The following KSR2 variants were observed in gnomAD, a reference collection of about 807,000 sequenced individuals.
KSR2 encodes kinase suppressor of ras 2.
In KSR2, 25 loss-of-function variants were observed where a neutral mutation model predicts 107.8. The ratio of observed to expected loss-of-function variants is 0.23; its 90% CI spans 0.17 to 0.32. KSR2 has a LOEUF of 0.32. Ranked by LOEUF, KSR2 falls within the 10% of genes least tolerant of loss-of-function variation. KSR2 has a pLI of 1.00. For synonymous variants in KSR2, 480 were observed against 507.0 expected (o/e 0.95, Z 0.71); for missense variants, 887 against 1,268.9 (o/e 0.70, Z 4.57).
intron 3 of KSR2, among the ~76,000 whole-genome samples, chr12:117,772,413 TAC>T (rs1235696796): frequency 7.0e-5 from 4 of 56,912 alleles, no homozygotes; most frequent in Non-Finnish European, 1.3e-4. Context: ...CACACACTCA[TAC>T]ACACACACCA....
intron 4 of KSR2, among the ~76,000 whole-genome samples, chr12:117,714,694 C>G (rs1271354949): frequency 6.6e-6 from 1 of 152,108 alleles, no homozygotes; most frequent in East Asian, 1.9e-4. Context: ...TCACAAAGTC[C>G]CTGTTCTCAA....
At chr12:117,651,727 T>A (rs1357193059) in intron 5 of KSR2, among the ~76,000 whole-genome samples, 1 of 151,880 alleles carries the variant, frequency 6.6e-6, no homozygotes, top group Non-Finnish European at 1.5e-5. Flanking sequence ...GATGGTGGAG[T>A]AGATTAGTCA....
chr12:117,787,052 A>C (rs1593235703), intron 3 of KSR2, among the ~76,000 whole-genome samples: 1 of 151,778 alleles, frequency 6.6e-6, no homozygotes, highest in Admixed American at 6.6e-5. Context: ...AATTATGTAT[A>C]TCAGCTCTCA....
At chr12:117,591,685 C>G (rs1284005104) in intron 5 of KSR2, among the ~76,000 whole-genome samples, 3 of 151,110 alleles carry the variant, frequency 2.0e-5, no homozygotes, top group African/African-American at 4.9e-5. Context: ...CCTCCATCAC[C>G]CATTCCACCT....
At chr12:117,570,914 C>A (rs577171865) in intron 7 of KSR2, among the ~76,000 whole-genome samples, 7 of 152,244 alleles carry the variant, frequency 4.6e-5, no homozygotes, top group Non-Finnish European at 8.8e-5. Context: ...AGAAGCAGAT[C>A]CTGAAATGAA....
At position 117,458,787 on chromosome 12, in the gene KSR2, T is replaced by C. The variant is rs1327113397; in HGVS notation, c.*8412A>G. ...GGTGGTCCACTAGGACCTCAAGATC[T>C]TATCTGGGTGGAAACTTGATTTTGA... On this transcript the variant is annotated 3_prime_UTR_variant, in exon 20 of 20. Transcript: ENST00000339824. 2 of 152,156 alleles carry C rather than the reference T, an allele frequency of 1.3e-5. No individual in the cohort carries two copies. The highest frequency in any genetic ancestry group is 2.9e-5 in the Non-Finnish European group (2 of 68,026). 9.4% of individuals were successfully genotyped at this position (152,156 alleles called of 1,614,324 possible). A position where few individuals can be genotyped will look rare whatever the true frequency, so the allele number is the denominator to read the frequency against.
intron 19 of KSR2, 62 bp from the exon 20 acceptor site, chr12:117,467,267 G>A (rs1370569447): frequency 1.1e-5 from 7 of 666,520 alleles, no homozygotes; most frequent in Middle Eastern, 2.5e-4. Context: ...GATGTCATCC[G>A]TTGTGAATGA....
chr12:117,893,813 C>G (rs1245289279), intron 1 of KSR2, among the ~76,000 whole-genome samples: 1 of 152,016 alleles, frequency 6.6e-6, no homozygotes, highest in African/African-American at 2.4e-5. Context: ...TTTAAGGAGG[C>G]TCCAAAAACT....
chr12:117,864,648 C>G (rs927605583), intron 1 of KSR2, among the ~76,000 whole-genome samples: 9 of 152,266 alleles, frequency 5.9e-5, no homozygotes, highest in Non-Finnish European at 8.8e-5. Flanking sequence ...CCATGCTCCC[C>G]CTGAAGGCAC....
At chr12:117,673,083 G>A (rs930033404) in intron 4 of KSR2, among the ~76,000 whole-genome samples, 2 of 152,222 alleles carry the variant, frequency 1.3e-5, no homozygotes, top group East Asian at 3.9e-4. Flanking sequence ...CTGGCAAGAA[G>A]AACCAAGTCT....
intron 1 of KSR2, among the ~76,000 whole-genome samples, chr12:117,929,685 A>G (rs1484614946): frequency 6.6e-6 from 1 of 152,252 alleles, no homozygotes; most frequent in African/African-American, 2.4e-5. Context: ...CATAAAAAGG[A>G]ATGAAGTAGT....
intron 1 of KSR2, among the ~76,000 whole-genome samples, chr12:117,933,347 T>C (rs759391411): frequency 3.9e-5 from 6 of 152,080 alleles, no homozygotes; most frequent in Admixed American, 1.3e-4. Flanking sequence ...TCCCAAAACT[T>C]TGGGAGGCCG....
rs555074451 is a variant in KSR2 at position 117,754,521 on chromosome 12, C to G, written c.986+6490G>C. On this transcript the variant is annotated intron_variant, in intron 4 of 19. Coordinates refer to ENST00000339824, the MANE Select transcript of KSR2 (RefSeq NM_173598.6). ...GGCGGCATGGCATGCACCTGTAATC[C>G]CAGCTGCTCAGGAGGCTGAGGCAGG... Among the ~76,000 whole-genome samples, 76 of 152,192 alleles carry G rather than the reference C, an allele frequency of 5.0e-4. 1 individual carries two copies. In the South Asian group the frequency reaches 7.7e-3, roughly 15 times the overall value.
intron 14 of KSR2, among the ~76,000 whole-genome samples, chr12:117,496,532 A>T (rs2137166312): frequency 6.6e-6 from 1 of 152,246 alleles, no homozygotes; most frequent in Middle Eastern, 3.4e-3. Flanking sequence ...AGATCAGCCA[A>T]CTCCTATTTA....
Position 117,761,118 on chromosome 12 carries a change from G to A in KSR2, c.879C>T (p.Pro293=), listed in dbSNP as rs1228596517. Residue 293 remains proline, a synonymous_variant, in exon 4 of 20, where the codon CCC becomes CCT. Transcript: ENST00000339824. ...NKLKPPGTPP[P]SSRKLIHLIP... is the part of the protein sequence containing the mutation. ...TCAAGTGTATCAGTTTTCGGGAGGA[G>A]GGCGGTGGGGTCCCCGGGGGCTTCA... 1 of 1,613,396 alleles carries A rather than the reference G, an allele frequency of 6.2e-7. No individual in the cohort carries two copies. The highest frequency in any genetic ancestry group is 8.5e-7 in the Non-Finnish European group (1 of 1,179,536).
chr12:117,601,204 T>C (rs1024665440), intron 5 of KSR2, among the ~76,000 whole-genome samples: 4 of 151,916 alleles, frequency 2.6e-5, no homozygotes, highest in Non-Finnish European at 4.4e-5. Context: ...TTAGCTGATA[T>C]TTGTCTCTCT....
intron 3 of KSR2, among the ~76,000 whole-genome samples, chr12:117,788,811 C>A (rs1286402887): frequency 6.6e-6 from 1 of 152,216 alleles, no homozygotes; most frequent in Non-Finnish European, 1.5e-5. Flanking sequence ...CATTGCCCGG[C>A]CTCCAGAACA....
At chr12:117,898,064 G>A (rs891915680) in intron 1 of KSR2, among the ~76,000 whole-genome samples, 1 of 152,024 alleles carries the variant, frequency 6.6e-6, no homozygotes, top group Non-Finnish European at 1.5e-5. Flanking sequence ...CTGTGAACGC[G>A]TCCAGCCTCC....
intron 7 of KSR2, among the ~76,000 whole-genome samples, chr12:117,565,530 T>A (rs931459249): frequency 2.0e-5 from 3 of 152,232 alleles, no homozygotes; most frequent in African/African-American, 7.2e-5. Flanking sequence ...AACATCTAGC[T>A]TTTGTTGGCT....
Sources: gnomAD v4.1 joint callset for allele counts (sites outside exome capture counted in the v4.1 genomes callset) on GRCh38, gnomAD v4.1.1 for gene constraint, MANE v1.5 for transcripts, NCBI Gene and HGNC (gene_info 2026-07-23, HGNC 2026-07-21) for gene names.